Variants in TRAPPC9 observed in about 807,000 individuals in gnomAD.
The protein encoded by TRAPPC9 is IKK2 binding protein.
TRAPPC9 carries 83 observed loss-of-function variants against 124.0 expected under a neutral mutation model. The observed-to-expected ratio is 0.67, with a 90% CI of 0.56 to 0.80. The LOEUF (loss-of-function observed/expected upper bound fraction) is 0.80. Among genes scored for constraint, TRAPPC9 ranks in the 30% least tolerant of loss-of-function variants. The pLI is 0.00. For synonymous variants in TRAPPC9, 638 were observed against 617.5 expected (o/e 1.03, Z -0.49); for missense variants, 1,302 against 1,508.3 (o/e 0.86, Z 2.27).
At chr8:139,820,309 T>C (rs1008745338) in intron 21 of TRAPPC9, among the ~76,000 whole-genome samples, 5 of 151,908 alleles carry the variant, frequency 3.3e-5, no homozygotes, top group African/African-American at 1.2e-4. Context: ...GCCTCCAGAG[T>C]AGCTGCGACT....
intron 17 of TRAPPC9, among the ~76,000 whole-genome samples, chr8:140,215,533 C>G (rs1663729351): frequency 1.3e-5 from 2 of 151,794 alleles, no homozygotes; most frequent in Non-Finnish European, 2.9e-5. Context: ...GTAGTCCCAG[C>G]TACTTGGGAG....
In TRAPPC9 at chr8:140,216,693, G is replaced by A. The variant is rs1191865747; in HGVS notation, c.2556+4766C>T. Among the ~76,000 whole-genome samples, 1 of 152,106 alleles carries A rather than the reference G, an allele frequency of 6.6e-6. No individual in the cohort carries two copies. On this transcript the variant is annotated intron_variant, in intron 17 of 22. Coordinates refer to ENST00000438773, the MANE Select transcript of TRAPPC9 (RefSeq NM_001160372.4). This position sits in a 1 kb window ranked among gnomAD's most constrained non-coding sequence, Gnocchi z 4.1. Reference sequence around the variant, plus strand: ...ATGCCATACACACACAGACTTCAGGGGCCTCTGCACCTGCCAGCCGCAGGT... The same window carrying A: ...ATGCCATACACACACAGACTTCAGGAGCCTCTGCACCTGCCAGCCGCAGGT...
chr8:139,913,414 GAGCT>G (rs1831883515), intron 19 of TRAPPC9, among the ~76,000 whole-genome samples: 1 of 152,200 alleles, frequency 6.6e-6, no homozygotes, highest in Non-Finnish European at 1.5e-5. Flanking sequence ...CAACATCATG[GAGCT>G]AGCAAGCCTC....
chr8:139,901,646 T>C (rs1222245318), intron 20 of TRAPPC9, among the ~76,000 whole-genome samples: 1 of 152,190 alleles, frequency 6.6e-6, no homozygotes, highest in East Asian at 1.9e-4. Flanking sequence ...TACCAATCAG[T>C]GGTGAGACCT....
chr8:140,272,447 C>A (rs1173143840), intron 15 of TRAPPC9, among the ~76,000 whole-genome samples: 1 of 140,284 alleles, frequency 7.1e-6, no homozygotes, highest in East Asian at 2.2e-4. Context: ...GATGGTGGTG[C>A]TGGTGATGGC....
chr8:140,322,072 C>T (rs2066610819), intron 9 of TRAPPC9, among the ~76,000 whole-genome samples: 1 of 152,188 alleles, frequency 6.6e-6, no homozygotes, highest in African/African-American at 2.4e-5. Context: ...AGGCAGTACC[C>T]TGTGGAAGGC....
intron 17 of TRAPPC9, among the ~76,000 whole-genome samples, chr8:140,108,282 C>G (rs1246629234): frequency 6.6e-6 from 1 of 152,200 alleles, no homozygotes; most frequent in Non-Finnish European, 1.5e-5. Context: ...CAGCCCTGCA[C>G]CCACAGCCAC....
intron 19 of TRAPPC9, among the ~76,000 whole-genome samples, chr8:139,936,053 G>A (rs1015655173): frequency 1.3e-5 from 2 of 152,222 alleles, no homozygotes; most frequent in Admixed American, 6.5e-5. Flanking sequence ...CTGGAGTGGC[G>A]TCACATGCTC....
At chr8:140,044,273 C>CA (rs1224548746) in intron 17 of TRAPPC9, among the ~76,000 whole-genome samples, 3,828 of 98,182 alleles carry the variant, frequency 0.039, 164 homozygotes, top group African/African-American at 0.11. Flanking sequence ...CAACAACGAC[C>CA]AAAAAAAAAA....
chr8:140,458,405 TCCCACGGTCGTGCCC>T, upstream of TRAPPC9: 1 of 1,590,164 alleles, frequency 6.3e-7, no homozygotes, highest in Non-Finnish European at 8.5e-7. Flanking sequence ...CCCCCGTGAC[TCCCACGGTCGTGCCC>T]CCCACGTGGG....
intron 21 of TRAPPC9, among the ~76,000 whole-genome samples, chr8:139,749,399 C>T (rs962928194): frequency 7.2e-5 from 11 of 152,194 alleles, no homozygotes; most frequent in African/African-American, 2.2e-4. Context: ...ATCATTTAAC[C>T]GATCTGAGCC....
intron 16 of TRAPPC9, among the ~76,000 whole-genome samples, chr8:140,249,264 T>A (rs1326770119): frequency 6.6e-6 from 1 of 152,200 alleles, no homozygotes; most frequent in South Asian, 2.1e-4. Flanking sequence ...CCCACTTATA[T>A]GTGAGAATAT....
intron 17 of TRAPPC9, among the ~76,000 whole-genome samples, chr8:140,134,567 C>T (rs189710330): frequency 6.6e-6 from 1 of 152,310 alleles, no homozygotes; most frequent in African/African-American, 2.4e-5. Context: ...CGATTTTCAA[C>T]AAAGGTGTCA....
intron 16 of TRAPPC9, among the ~76,000 whole-genome samples, chr8:140,250,881 G>A (rs972586910): frequency 5.3e-5 from 8 of 152,084 alleles, no homozygotes; most frequent in Non-Finnish European, 1.0e-4. Context: ...GCCTGATTTG[G>A]TTTTGTTTTA....
chr8:140,383,538 C>T (rs545746881), intron 7 of TRAPPC9, among the ~76,000 whole-genome samples: 5 of 151,972 alleles, frequency 3.3e-5, no homozygotes, highest in Admixed American at 2.0e-4. Context: ...GTAGCCGATT[C>T]GATCAACTGG....
chr8:139,877,320 C>T (rs1400351783), intron 21 of TRAPPC9, among the ~76,000 whole-genome samples: 10 of 152,330 alleles, frequency 6.6e-5, no homozygotes, highest in South Asian at 6.2e-4. Flanking sequence ...TCTATGGAAA[C>T]GCCTGGAAGA....
chr8:140,372,249 G>A (rs1364869818), intron 7 of TRAPPC9, among the ~76,000 whole-genome samples: 1 of 152,210 alleles, frequency 6.6e-6, no homozygotes, highest in Non-Finnish European at 1.5e-5. Context: ...TGCTCCAGGA[G>A]CACTGTTAAG....
chr8:140,318,056 AGTATGAAGGT>A (rs1264484374), intron 9 of TRAPPC9, among the ~76,000 whole-genome samples: 1 of 152,226 alleles, frequency 6.6e-6, no homozygotes, highest in African/African-American at 2.4e-5. Flanking sequence ...TGCATACTAA[AGTATGAAGGT>A]CTGAAATGAT....
intron 21 of TRAPPC9, among the ~76,000 whole-genome samples, chr8:139,795,346 T>A (rs1327858089): frequency 6.6e-6 from 1 of 152,152 alleles, no homozygotes; most frequent in Non-Finnish European, 1.5e-5. Context: ...TAATTCCCCA[T>A]GGGCCCTTCG....
Sources: allele counts gnomAD v4.1 joint callset (sites outside exome capture counted in the v4.1 genomes callset), GRCh38; gene constraint gnomAD v4.1.1; non-coding constraint Gnocchi (gnomAD v3.1); transcripts MANE v1.5; gene names NCBI Gene and HGNC (gene_info 2026-07-23, HGNC 2026-07-21).